The following SCMH1 variants were observed in gnomAD, a reference collection of about 807,000 sequenced individuals.
SCMH1 encodes Scm polycomb group protein homolog 1.
SCMH1 carries 37 observed loss-of-function variants against 70.8 expected under a neutral mutation model. The ratio of observed to expected loss-of-function variants is 0.52; its 90% CI spans 0.40 to 0.69. The LOEUF is 0.69. Ranked by LOEUF, SCMH1 falls within the 30% of genes least tolerant of loss-of-function variation. SCMH1 has a pLI of 0.00. For synonymous variants in SCMH1, 292 were observed against 307.4 expected (o/e 0.95, Z 0.52); for missense variants, 607 against 827.3 (o/e 0.73, Z 3.27).
At chr1:41,145,412 T>G (rs1470463472) in intron 5 of SCMH1, among the ~76,000 whole-genome samples, 2 of 152,328 alleles carry the variant, frequency 1.3e-5, no homozygotes, top group East Asian at 3.9e-4. Flanking sequence ...TTTTAATTCA[T>G]GGATCTATAT....
In SCMH1 at chr1:41,113,268, T is replaced by C; in HGVS notation, c.745+15A>G. The C allele has an allele frequency of 1.2e-6, 2 of 1,610,836 alleles. No individual in the cohort carries two copies. The highest frequency in any genetic ancestry group is 1.7e-6 in the Non-Finnish European group (2 of 1,178,652). ...TCTGGGTCCTGATTTCAAGAGCACGTAGATGGGCCTTTACCTTTGGTGCCA... is the reference window on the plus strand; with the variant it reads ...TCTGGGTCCTGATTTCAAGAGCACGCAGATGGGCCTTTACCTTTGGTGCCA... On this transcript the variant is annotated intron_variant, in intron 8 of 14. Transcript: ENST00000337495. This position sits in a 1 kb window ranked among gnomAD's most constrained non-coding sequence, Gnocchi z 4.3.
intron 1 of SCMH1, among the ~76,000 whole-genome samples, chr1:41,186,728 A>G (rs981516861): frequency 1.3e-5 from 2 of 152,200 alleles, no homozygotes; most frequent in African/African-American, 4.8e-5. Flanking sequence ...TCTTTAAAAC[A>G]AAAGGATGAG....
intron 1 of SCMH1, among the ~76,000 whole-genome samples, chr1:41,202,047 G>GT (rs1203662059): frequency 2.0e-5 from 3 of 152,000 alleles, no homozygotes; most frequent in African/African-American, 2.4e-5. Context: ...AGCTTTTTGA[G>GT]TTTTTTTATT....
chr1:41,121,050 T>C (rs1008484829), intron 6 of SCMH1, among the ~76,000 whole-genome samples: 2 of 152,172 alleles, frequency 1.3e-5, no homozygotes, highest in Admixed American at 1.3e-4. Flanking sequence ...AAATCCAGCT[T>C]TGCCACTTAC....
intron 8 of SCMH1, among the ~76,000 whole-genome samples, chr1:41,076,967 G>GT (rs1220864767): frequency 7.9e-5 from 12 of 152,292 alleles, no homozygotes; most frequent in Admixed American, 6.5e-4. Context: ...TGACTGCTTT[G>GT]TGAGAGGGAC....
At chr1:41,171,707 A>C (rs1456236222) in intron 2 of SCMH1, among the ~76,000 whole-genome samples, 1 of 152,208 alleles carries the variant, frequency 6.6e-6, no homozygotes, top group Admixed American at 6.5e-5. Context: ...TTCAGACCAC[A>C]ATGGAATAAA....
chr1:41,200,687 CA>C (rs1380700123), intron 1 of SCMH1, among the ~76,000 whole-genome samples: 3 of 151,610 alleles, frequency 2.0e-5, no homozygotes, highest in Non-Finnish European at 4.4e-5. Flanking sequence ...AAATAATTTC[CA>C]ACTAAAATAA....
chr1:41,147,402 T>A (rs1557652573), intron 5 of SCMH1, among the ~76,000 whole-genome samples: 1 of 152,168 alleles, frequency 6.6e-6, no homozygotes. Flanking sequence ...AAATGCCCTT[T>A]AGAGTTTAGG....
chr1:41,053,837 T>G (rs552780677), intron 10 of SCMH1, among the ~76,000 whole-genome samples: 11 of 151,996 alleles, frequency 7.2e-5, no homozygotes, highest in East Asian at 1.9e-4. Flanking sequence ...AAAGGTTTTT[T>G]TTTTGTTTTG....
chr1:41,123,143 C>T lies in SCMH1; in HGVS notation c.413-6133G>A, dbSNP rs143477934. ...GGCTCATGCAGGATGACTGCTGTAG[C>T]CTGGGGATGTCGAGGCTGCAGTGAG... is the stretch of plus-strand genomic sequence containing the variant. On this transcript the variant is annotated intron_variant, in intron 6 of 14. Transcript: ENST00000337495. Among the ~76,000 whole-genome samples the T allele has an allele frequency of 5.9e-5, 9 of 152,216 alleles. No homozygotes were observed. In the East Asian group the frequency reaches 1.7e-3, roughly 29 times the overall value.
At chr1:41,167,282 A>G (rs906782664) in intron 2 of SCMH1, among the ~76,000 whole-genome samples, 1 of 152,126 alleles carries the variant, frequency 6.6e-6, no homozygotes, top group Non-Finnish European at 1.5e-5. Flanking sequence ...ATTGGTCTGC[A>G]GTCTTCTTTT....
Position 41,113,291 on chromosome 1 carries a change from C to A in SCMH1, c.737G>T (p.Gly246Val). ...CGTAGATGGGCCTTTACCTTTGGTG[C>A]CAGGAGGCTGCAGGTTGTCTCCAGT... is the stretch of plus-strand genomic sequence containing the variant. The change falls in exon 8 of 15, where the codon GGC becomes GTC. Residue 246 changes from glycine (G) to valine (V), a missense_variant. Transcript: ENST00000337495. The surrounding 1 kb of genome is among the most constrained non-coding windows in gnomAD (Gnocchi z 4.3). The A allele has an allele frequency of 6.2e-7, 1 of 1,613,214 alleles. No homozygotes were observed. The highest frequency in any genetic ancestry group is 1.3e-5 in the African/African-American group (1 of 74,890).
At chr1:41,194,781 T>C (rs959913351) in intron 1 of SCMH1, among the ~76,000 whole-genome samples, 1 of 152,220 alleles carries the variant, frequency 6.6e-6, no homozygotes, top group African/African-American at 2.4e-5. Flanking sequence ...ATCAGATTTC[T>C]TGGGCAGTGT....
At chr1:41,181,756 G>T (rs1197134304) in intron 2 of SCMH1, among the ~76,000 whole-genome samples, 2 of 152,242 alleles carry the variant, frequency 1.3e-5, no homozygotes, top group East Asian at 3.8e-4. Context: ...TGGTGGGACT[G>T]TAAACTAGTT....
At chr1:41,091,275 A>C (rs1663410053) in intron 8 of SCMH1, among the ~76,000 whole-genome samples, 1 of 152,216 alleles carries the variant, frequency 6.6e-6, no homozygotes, top group South Asian at 2.1e-4. Flanking sequence ...ACAGAACTAA[A>C]GATAAAAACC....
intron 1 of SCMH1, among the ~76,000 whole-genome samples, chr1:41,200,037 T>C (rs114795846): frequency 0.015 from 2,332 of 152,318 alleles, 28 homozygotes; most frequent in Non-Finnish European, 0.024. Context: ...CAGGCAAATC[T>C]TAAACAAATG....
At chr1:41,118,665 C>T (rs1671140018) in intron 6 of SCMH1, among the ~76,000 whole-genome samples, 1 of 152,130 alleles carries the variant, frequency 6.6e-6, no homozygotes, top group African/African-American at 2.4e-5. Flanking sequence ...TAAAAAGAAG[C>T]CTAGAGAGGT....
intron 1 of SCMH1, among the ~76,000 whole-genome samples, chr1:41,196,828 C>G (rs1164386532): frequency 6.6e-6 from 1 of 152,052 alleles, no homozygotes; most frequent in African/African-American, 2.4e-5. Flanking sequence ...AAAATATACA[C>G]GGAACCCCTA....
chr1:41,061,999 G>A (rs1003141012), intron 10 of SCMH1, among the ~76,000 whole-genome samples: 4 of 151,902 alleles, frequency 2.6e-5, no homozygotes, highest in African/African-American at 9.7e-5. Flanking sequence ...TGAGTAGCTA[G>A]GACCACAGGT....
Sources: allele counts gnomAD v4.1 joint callset (sites outside exome capture counted in the v4.1 genomes callset), GRCh38; gene constraint gnomAD v4.1.1; non-coding constraint Gnocchi (gnomAD v3.1); transcripts MANE v1.5; gene names NCBI Gene and HGNC (gene_info 2026-07-23, HGNC 2026-07-21).